The following VWA3B variants were observed in gnomAD, a reference collection of about 807,000 sequenced individuals.
VWA3B encodes von Willebrand factor A domain containing 3B.
VWA3B carries 138 observed loss-of-function variants against 158.3 expected under a neutral mutation model. That is an observed-to-expected ratio of 0.87 (90% CI 0.76 to 1.00). VWA3B has a LOEUF of 1.00. Ranked by LOEUF, VWA3B falls within the 50% of genes least tolerant of loss-of-function variation. The probability of loss-of-function intolerance (pLI) is 0.00; values close to 1 mark genes in which losing one functional copy is unlikely to be tolerated. For missense variants in VWA3B, 1,555 were observed against 1,565.1 expected (o/e 0.99, Z 0.11); for synonymous variants, 596 against 587.3 (o/e 1.01, Z -0.21).
At chr2:98,138,457 C>G (rs566570072) in intron 7 of VWA3B, among the ~76,000 whole-genome samples, 1 of 152,292 alleles carries the variant, frequency 6.6e-6, no homozygotes, top group Admixed American at 6.5e-5. Flanking sequence ...TTCATGAGCT[C>G]GCCCGTATTT....
At chr2:98,139,984 C>T (rs936410946) in intron 7 of VWA3B, among the ~76,000 whole-genome samples, 1 of 152,108 alleles carries the variant, frequency 6.6e-6, no homozygotes, top group African/African-American at 2.4e-5. Context: ...CTGAAGCCAG[C>T]GAGACCACAA....
intron 7 of VWA3B, among the ~76,000 whole-genome samples, chr2:98,157,734 C>A (rs1381774122): frequency 2.0e-5 from 3 of 152,230 alleles, no homozygotes; most frequent in African/African-American, 7.2e-5. Flanking sequence ...AAGCTCGCCA[C>A]CTGGCGGGAC....
At chr2:98,273,963 T>A (rs560001358) in intron 22 of VWA3B, among the ~76,000 whole-genome samples, 2 of 152,368 alleles carry the variant, frequency 1.3e-5, no homozygotes, top group African/African-American at 4.8e-5. Context: ...GTTTACAACA[T>A]ACGAATTAAT....
chr2:98,089,103 C>A (rs1200145420), intron 1 of VWA3B, among the ~76,000 whole-genome samples: 2 of 152,076 alleles, frequency 1.3e-5, no homozygotes. Context: ...TTTAAAAGAG[C>A]TGTTTCCTGA....
At position 98,222,144 on chromosome 2, in the gene VWA3B, G is replaced by A. The variant is rs1004655765; in HGVS notation, c.2019+4116G>A. On this transcript the variant is annotated intron_variant, in intron 14 of 27. Transcript: ENST00000477737. ...TGAGGCTCCACTTCCGTTCAGCATCGACGAGACTGAAGGAGGTAGTGCTAG... is the reference window on the plus strand; with the variant it reads ...TGAGGCTCCACTTCCGTTCAGCATCAACGAGACTGAAGGAGGTAGTGCTAG... Among the ~76,000 whole-genome samples the A allele has an allele frequency of 6.6e-4, 100 of 152,206 alleles. 1 individual carries two copies. The highest frequency in any genetic ancestry group is 3.4e-3 in the Middle Eastern group (1 of 294).
At chr2:98,137,009 C>T (rs184024077) in intron 7 of VWA3B, among the ~76,000 whole-genome samples, 1 of 152,232 alleles carries the variant, frequency 6.6e-6, no homozygotes, top group Admixed American at 6.5e-5. Context: ...GATAATAGTC[C>T]ATTATATGGA....
chr2:98,101,445 C>T (rs1371158909), intron 2 of VWA3B, among the ~76,000 whole-genome samples: 1 of 152,156 alleles, frequency 6.6e-6, no homozygotes, highest in African/African-American at 2.4e-5. Flanking sequence ...GAGGAGTACT[C>T]CTTCAATCAG....
chr2:98,300,113 C>T lies in VWA3B; in HGVS notation c.3317C>T (p.Pro1106Leu). The T allele has an allele frequency of 1.2e-6, 2 of 1,614,160 alleles. No homozygotes were observed. The highest frequency in any genetic ancestry group is 2.2e-5 in the East Asian group (1 of 44,884). ...GDYVFAKIVI[P>L]KGFDFYVPAI... ...TATGTGTTTGCCAAAATTGTGATAC[C>T]CAAAGGATTTGACTTCTATGTCCCT... The change falls in exon 25 of 28, where the codon CCC becomes CTC. Residue 1106 changes from proline to leucine, a missense_variant. By Grantham distance (98) the Pro-to-Leu change is moderately conservative. Coordinates refer to ENST00000477737, the MANE Select transcript of VWA3B (RefSeq NM_144992.5).
At position 98,193,022 on chromosome 2, in the gene VWA3B, A is replaced by T; in HGVS notation, c.1591A>T (p.Ile531Phe). 1 of 1,613,498 alleles carries T rather than the reference A, an allele frequency of 6.2e-7. No homozygotes were observed. Among genetic ancestry groups the T allele is most frequent in the Non-Finnish European group, 8.5e-7 (1 of 1,179,612 alleles). ...ACTGGACTTGGTGAAGGACAAGATCATTCAGTTCATACAGGTTAGATGGAA... is the reference window on the plus strand; with the variant it reads ...ACTGGACTTGGTGAAGGACAAGATCTTTCAGTTCATACAGGTTAGATGGAA... ...SKLDLVKDKI[I>F]QFIQEQLKYK... The change falls in exon 11 of 28, where the codon ATT becomes TTT. Residue 531 changes from isoleucine to phenylalanine, a missense_variant. Physicochemically the swap from Ile to Phe is conservative, Grantham distance 21. Coordinates refer to ENST00000477737, the MANE Select transcript of VWA3B (RefSeq NM_144992.5).
At chr2:98,328,884 T>C in the VWA3B span, among the ~76,000 whole-genome samples, 2 of 152,218 alleles carry the variant, frequency 1.3e-5, no homozygotes, top group African/African-American at 2.4e-5. Flanking sequence ...CAAATCATTC[T>C]TAATAAAATA....
At chr2:98,237,356 G>A (rs573875349) in intron 19 of VWA3B, among the ~76,000 whole-genome samples, 1 of 152,306 alleles carries the variant, frequency 6.6e-6, no homozygotes, top group South Asian at 2.1e-4. Flanking sequence ...GGGAGGACTT[G>A]CGAGAGATTA....
downstream of VWA3B, among the ~76,000 whole-genome samples, chr2:98,316,257 C>T (rs534746152): frequency 6.6e-6 from 1 of 152,322 alleles, no homozygotes; most frequent in South Asian, 2.1e-4. Context: ...TTTGAGCATG[C>T]ACCTGTCTGC....
At chr2:98,166,020 AT>A (rs1403089727) in intron 8 of VWA3B, among the ~76,000 whole-genome samples, 3 of 152,024 alleles carry the variant, frequency 2.0e-5, no homozygotes, top group African/African-American at 7.2e-5. Flanking sequence ...ATGAGACTGT[AT>A]TTGGAGACAG....
At chr2:98,192,365 T>A (rs1681663779) in intron 10 of VWA3B, 1 of 159,922 alleles carries the variant, frequency 6.3e-6, no homozygotes, top group South Asian at 1.7e-4. Context: ...TTATAGGATT[T>A]GGGTAGATAA....
At chr2:98,147,845 C>T (rs1184944763) in intron 7 of VWA3B, among the ~76,000 whole-genome samples, 3 of 149,084 alleles carry the variant, frequency 2.0e-5, no homozygotes, top group Non-Finnish European at 4.5e-5. Flanking sequence ...TGCTATCACT[C>T]CCCCCTCCCC....
chr2:98,161,382 T>G (rs1384153022), intron 7 of VWA3B, among the ~76,000 whole-genome samples: 2 of 151,982 alleles, frequency 1.3e-5, no homozygotes, highest in East Asian at 3.9e-4. Flanking sequence ...AGCTGTGGGG[T>G]GGGCCTTCTG....
chr2:98,217,792 C>T, intron 13 of VWA3B, 54 bp from the exon 14 acceptor site: 1 of 1,464,970 alleles, frequency 6.8e-7, no homozygotes, highest in Non-Finnish European at 9.1e-7. Context: ...ATATTCTTTT[C>T]TTTCTCTTCT....
rs1330237260 is a variant in VWA3B, at chr2:98,093,049, T to C, written c.-32-12T>C. 3 of 1,581,336 alleles carry C rather than the reference T, an allele frequency of 1.9e-6. No homozygotes were observed. The highest frequency in any genetic ancestry group is 2.6e-6 in the Non-Finnish European group (3 of 1,158,800). ...GTTTTTAGGAAGTCTGAGTTTATGA[T>C]TGCCCTTACAGGAGTTTGCTGTGAC... On this transcript the variant is annotated splice_polypyrimidine_tract_variant and intron_variant, in intron 1 of 27. Transcript: ENST00000477737.
At chr2:98,227,105 G>A (rs896892118) in intron 14 of VWA3B, among the ~76,000 whole-genome samples, 2 of 152,192 alleles carry the variant, frequency 1.3e-5, no homozygotes, top group Non-Finnish European at 2.9e-5. Flanking sequence ...AAGTCAAATT[G>A]TCTCTGTTTG....
Sources: allele counts gnomAD v4.1 joint callset (sites outside exome capture counted in the v4.1 genomes callset), GRCh38; gene constraint gnomAD v4.1.1; transcripts MANE v1.5; gene names NCBI Gene and HGNC (gene_info 2026-07-23, HGNC 2026-07-21).